The following OCLN variants were observed in gnomAD, a reference collection of about 807,000 sequenced individuals.
The protein encoded by OCLN is phosphatase 1, regulatory subunit 115.
OCLN carries 21 observed loss-of-function variants against 47.9 expected under a neutral mutation model. The ratio of observed to expected loss-of-function variants is 0.44; its 90% CI spans 0.31 to 0.63. The LOEUF is 0.63. Among genes scored for constraint, OCLN ranks in the 30% least tolerant of loss-of-function variants. The pLI, the probability that OCLN is intolerant of heterozygous loss-of-function variation, is 0.08. For synonymous variants in OCLN, 117 were observed against 198.4 expected, an observed-to-expected ratio of 0.59 and a Z score of 3.45; for missense variants, 360 against 571.0, an observed-to-expected ratio of 0.63 and a Z score of 3.77.
intron 7 of OCLN, among the ~76,000 whole-genome samples, chr5:69,549,053 G>A (rs1293985431): frequency 4.7e-5 from 7 of 149,396 alleles, no homozygotes; most frequent in South Asian, 2.1e-4. Context: ...TTAAGCGGCC[G>A]GGCACGGTGG....
At chr5:69,523,554 G>C (rs1033557939) in intron 4 of OCLN, among the ~76,000 whole-genome samples, 5 of 144,150 alleles carry the variant, frequency 3.5e-5, no homozygotes, top group African/African-American at 1.3e-4. Flanking sequence ...ATTATTTTTT[G>C]AGATGAAGTC....
intron 4 of OCLN, among the ~76,000 whole-genome samples, chr5:69,518,928 G>A (rs1353967736): frequency 6.6e-6 from 1 of 152,126 alleles, no homozygotes; most frequent in Non-Finnish European, 1.5e-5. Context: ...CTTGAGCCCA[G>A]GAGTTTAAGA....
At chr5:69,521,893 T>A (rs954837018) in intron 4 of OCLN, among the ~76,000 whole-genome samples, 13 of 152,236 alleles carry the variant, frequency 8.5e-5, no homozygotes, top group Non-Finnish European at 2.9e-5. Flanking sequence ...TTTCCGTGAT[T>A]GTTCGTTCTT....
chr5:69,499,016 G>A (rs370102179), intron 1 of OCLN, among the ~76,000 whole-genome samples: 5 of 152,102 alleles, frequency 3.3e-5, no homozygotes, highest in East Asian at 1.9e-4. Flanking sequence ...TTATAATACC[G>A]TATACAATGT....
intron 1 of OCLN, among the ~76,000 whole-genome samples, chr5:69,497,394 T>G (rs929147815): frequency 9.4e-5 from 14 of 149,174 alleles, no homozygotes; most frequent in Middle Eastern, 6.9e-3. Context: ...GATTTTTTTT[T>G]TTTTTTTTTT....
At chr5:69,512,939 C>T (rs1245117131) in intron 3 of OCLN, among the ~76,000 whole-genome samples, 2 of 152,152 alleles carry the variant, frequency 1.3e-5, no homozygotes, top group African/African-American at 4.8e-5. Context: ...GAATGAGTCA[C>T]TCCTTTGGAG....
At chr5:69,503,290 A>G (rs1768510609) in intron 1 of OCLN, among the ~76,000 whole-genome samples, 1 of 152,194 alleles carries the variant, frequency 6.6e-6, no homozygotes, top group Non-Finnish European at 1.5e-5. Context: ...TCCCTTGCCG[A>G]GAATCACGAA....
At chr5:69,504,545 T>A in intron 2 of OCLN, among the ~76,000 whole-genome samples, 1 of 152,242 alleles carries the variant, frequency 6.6e-6, no homozygotes, top group East Asian at 1.9e-4. Flanking sequence ...AAGGTTTATA[T>A]TTGTATGTTC....
At chr5:69,516,206 C>T (rs1768962121) in intron 4 of OCLN, among the ~76,000 whole-genome samples, 1 of 152,134 alleles carries the variant, frequency 6.6e-6, no homozygotes, top group East Asian at 1.9e-4. Context: ...GCCTGGGCAC[C>T]ATTGAGCACT....
At chr5:69,496,398 A>C (rs937105522) in intron 1 of OCLN, among the ~76,000 whole-genome samples, 2 of 152,028 alleles carry the variant, frequency 1.3e-5, no homozygotes, top group African/African-American at 4.8e-5. Context: ...GCGCCCGGCC[A>C]CAACTTAAAC....
chr5:69,529,705 G>A (rs928748225), intron 4 of OCLN, among the ~76,000 whole-genome samples: 1 of 152,112 alleles, frequency 6.6e-6, no homozygotes, highest in Non-Finnish European at 1.5e-5. Context: ...CCGGGTTCAA[G>A]TGATTCTTCT....
chr5:69,550,339 G>T (rs1249038945), intron 7 of OCLN, among the ~76,000 whole-genome samples: 4 of 140,230 alleles, frequency 2.9e-5, no homozygotes, highest in African/African-American at 1.0e-4. Context: ...TTACAGGCAT[G>T]TGGCACCACA....
At chr5:69,524,641 G>A (rs1366056920) in intron 4 of OCLN, among the ~76,000 whole-genome samples, 1 of 152,108 alleles carries the variant, frequency 6.6e-6, no homozygotes, top group Non-Finnish European at 1.5e-5. Flanking sequence ...TTTTAATGGG[G>A]TTTTGGATTA....
intron 3 of OCLN, among the ~76,000 whole-genome samples, chr5:69,511,042 T>C (rs1320008179): frequency 2.0e-5 from 3 of 152,174 alleles, no homozygotes; most frequent in Admixed American, 6.5e-5. Context: ...CATTTCTCTC[T>C]TATCTTTGGA....
In OCLN at chr5:69,492,908, T is replaced by A. The variant is rs989033765; in HGVS notation, c.-69+8T>A. ...CCCAGTTGCGGCGAGCGGGTGAGTG[T>A]TGGGCGCGGCGTCAGGGGCGCACGG... On this transcript the variant is annotated splice_region_variant and intron_variant, in intron 1 of 8. Coordinates refer to ENST00000396442, the MANE Select transcript of OCLN (RefSeq NM_001205254.2). 6.6e-6 allele frequency: 1 copy of A among 152,060 alleles called. No individual in the cohort carries two copies. The highest frequency in any genetic ancestry group is 1.5e-5 in the Non-Finnish European group (1 of 68,226). The allele number at this position is 152,060 out of a possible 1,614,324, so 9.4% of individuals were successfully genotyped here. A position where few individuals can be genotyped will look rare whatever the true frequency, so the allele number is the denominator to read the frequency against.
rs1394341185 is a variant in OCLN at position 69,534,948 on chromosome 5, A to G, written c.1037+109A>G. 2.0e-5 allele frequency: 20 copies of G among 1,015,168 alleles called. 1 individual carries two copies. The highest frequency in any genetic ancestry group is 2.8e-5 in the Non-Finnish European group (19 of 667,194). The allele number at this position is 1,015,168 out of a possible 1,614,324, so 62.9% of individuals were successfully genotyped here. ...AAAAAAATATCCAGCAGTGCACACA[A>G]AAGCTGGATCTGGATCTTGGTATTA... On this transcript the variant is annotated intron_variant, in intron 5 of 8. Transcript: ENST00000396442.
intron 4 of OCLN, among the ~76,000 whole-genome samples, chr5:69,519,571 A>G (rs997624062): frequency 5.9e-5 from 9 of 152,110 alleles, no homozygotes; most frequent in Admixed American, 4.6e-4. Context: ...GATGGATACC[A>G]GTTTGTATTT....
At chr5:69,533,961 A>G (rs1478961370) in intron 4 of OCLN, among the ~76,000 whole-genome samples, 3 of 152,134 alleles carry the variant, frequency 2.0e-5, no homozygotes, top group Non-Finnish European at 2.9e-5. Flanking sequence ...CGCCCGGCCT[A>G]TTAAGGCATA....
intron 4 of OCLN, among the ~76,000 whole-genome samples, chr5:69,523,834 C>G (rs1055334199): frequency 6.6e-6 from 1 of 152,102 alleles, no homozygotes; most frequent in African/African-American, 2.4e-5. Context: ...CCGTGCCCGG[C>G]CAATGATTAC....
Sources: gnomAD v4.1 joint callset for allele counts (sites outside exome capture counted in the v4.1 genomes callset) on GRCh38, gnomAD v4.1.1 for gene constraint, MANE v1.5 for transcripts, NCBI Gene and HGNC (gene_info 2026-07-23, HGNC 2026-07-21) for gene names.